The following MCOLN3 variants were observed in gnomAD, a reference collection of about 807,000 sequenced individuals.
MCOLN3 encodes mucolipin-3.
MCOLN3 carries 62 observed loss-of-function variants against 69.4 expected under a neutral mutation model. That is an observed-to-expected ratio of 0.89 (90% CI 0.73 to 1.10). The LOEUF (loss-of-function observed/expected upper bound fraction) is 1.10, where lower values mean the gene tolerates loss of function less well. MCOLN3 is among the 50% of genes least tolerant of loss of function. The probability of loss-of-function intolerance (pLI) is 0.00; values close to 1 mark genes in which losing one functional copy is unlikely to be tolerated. For synonymous variants in MCOLN3, 183 were observed against 217.0 expected (o/e 0.84, Z 1.38); for missense variants, 564 against 656.4 (o/e 0.86, Z 1.54).
Position 85,022,358 on chromosome 1 carries a change from A to G in MCOLN3, c.1138T>C (p.Ser380Pro), listed in dbSNP as rs1222803067. The part of the protein sequence containing the change: ...YDVCSILLGT[S>P]TMLVWLGVIR... ...ACTCCAAGCCACACGAGCATGGTAGAAGTCCCAAGAAGTATGCTACAGACA... is the reference window on the plus strand; with the variant it reads ...ACTCCAAGCCACACGAGCATGGTAGGAGTCCCAAGAAGTATGCTACAGACA... Residue 380 changes from serine to proline, a missense_variant, in exon 10 of 13, where the codon TCT becomes CCT. Ser to Pro is a moderately conservative substitution (Grantham distance 74, BLOSUM62 -1). Coordinates refer to ENST00000370589, the MANE Select transcript of MCOLN3 (RefSeq NM_018298.11). 1 of 1,613,476 alleles carries G rather than the reference A, an allele frequency of 6.2e-7. No individual in the cohort carries two copies. The highest frequency in any genetic ancestry group is 1.7e-5 in the Admixed American group (1 of 59,984).
intron 3 of MCOLN3, among the ~76,000 whole-genome samples, chr1:85,037,965 T>C (rs1239621886): frequency 6.6e-6 from 1 of 152,160 alleles, no homozygotes; most frequent in African/African-American, 2.4e-5. Context: ...ACATTAAATG[T>C]CCTTAGCTAA....
chr1:85,035,354 TC>T (rs1244915032), intron 3 of MCOLN3, among the ~76,000 whole-genome samples: 1 of 152,206 alleles, frequency 6.6e-6, no homozygotes, highest in Non-Finnish European at 1.5e-5. Flanking sequence ...GCTGACAGCT[TC>T]CAAATTTGCA....
At chr1:85,044,541 TC>T (rs1653242761) in intron 2 of MCOLN3, among the ~76,000 whole-genome samples, 1 of 152,160 alleles carries the variant, frequency 6.6e-6, no homozygotes, top group African/African-American at 2.4e-5. Context: ...AAAATATGGT[TC>T]CCCCTTTCCC....
intron 3 of MCOLN3, among the ~76,000 whole-genome samples, chr1:85,039,648 C>T (rs954291797): frequency 6.6e-6 from 1 of 152,090 alleles, no homozygotes; most frequent in African/African-American, 2.4e-5. Flanking sequence ...ATTTTGAAGA[C>T]TGAGTCTAGG....
rs878947271 is a variant in MCOLN3, at chr1:85,034,952, C to T, written c.397-701G>A. 9.2e-5 allele frequency among the ~76,000 whole-genome samples: 14 copies of T among 152,122 alleles called. No individual in the cohort carries two copies. The South Asian group carries it at 1.2e-3, about 14-fold the overall frequency. On this transcript the variant is annotated intron_variant, in intron 3 of 12. Transcript: ENST00000370589. ...CTTGAAATGAACAACTTTGTGTGAT[C>T]GACACATAGAAAATAATTCTGCTAA...
In MCOLN3 at chr1:85,018,283, T is replaced by C. The variant is rs1347973576; in HGVS notation, c.*840A>G. The stretch of plus-strand genomic sequence containing the variant: ...TGGATAACGATGTTTTGGTCAATGA[T>C]GTACCGCATATACAATGGTGGTCCC... On this transcript the variant is annotated 3_prime_UTR_variant, in exon 13 of 13. Transcript: ENST00000370589. 1 of 152,208 alleles carries C rather than the reference T, an allele frequency of 6.6e-6. No individual in the cohort carries two copies. Among genetic ancestry groups the C allele is most frequent in the Non-Finnish European group, 1.5e-5 (1 of 68,028 alleles). The allele number at this position is 152,208 out of a possible 1,614,324, so 9.4% of individuals were successfully genotyped here.
intron 3 of MCOLN3, 22 bp from the exon 4 acceptor site, chr1:85,034,273 G>C: frequency 6.2e-7 from 1 of 1,613,526 alleles, no homozygotes; most frequent in Non-Finnish European, 8.5e-7. Context: ...ATGAGAAACA[G>C]AAAATGGGAA....
chr1:85,045,088 T>C, intron 2 of MCOLN3, 45 bp downstream of exon 2: 1 of 1,467,810 alleles, frequency 6.8e-7, no homozygotes, highest in South Asian at 1.2e-5. Context: ...GTTATCTTTG[T>C]AATTAAAAGA....
rs574894214 is a variant in MCOLN3, at chr1:85,019,005, T to C, written c.*118A>G. On this transcript the variant is annotated 3_prime_UTR_variant, in exon 13 of 13. Coordinates refer to ENST00000370589, the MANE Select transcript of MCOLN3 (RefSeq NM_018298.11). ...TAAACAGTTATTGGTGAATTATAGG[T>C]CTCAATTAGCTCAAAATAACAGTCT... 93 of 896,498 alleles carry C rather than the reference T, an allele frequency of 1.0e-4. No individual in the cohort carries two copies. The African/African-American group carries it at 1.5e-3, about 14-fold the overall frequency. The allele number at this position is 896,498 out of a possible 1,614,324, so 55.5% of individuals were successfully genotyped here.
intron 3 of MCOLN3, among the ~76,000 whole-genome samples, chr1:85,034,581 A>AT (rs1652720237): frequency 6.6e-6 from 1 of 152,220 alleles, no homozygotes; most frequent in African/African-American, 2.4e-5. Flanking sequence ...TTCAATGTAA[A>AT]TACATATTTA....
intron 6 of MCOLN3, chr1:85,029,475 G>C (rs934974801): frequency 7.0e-6 from 2 of 287,578 alleles, no homozygotes; most frequent in South Asian, 7.1e-5. Flanking sequence ...TATATAACAA[G>C]AGCACTTCCT....
chr1:85,029,092 T>C lies in MCOLN3; in HGVS notation c.832+14A>G. The C allele has an allele frequency of 6.8e-7, 1 of 1,467,656 alleles. No individual in the cohort carries two copies. The highest frequency in any genetic ancestry group is 9.5e-7 in the Non-Finnish European group (1 of 1,048,544). The allele number at this position is 1,467,656 out of a possible 1,614,324, so 90.9% of individuals were successfully genotyped here. A position where few individuals can be genotyped will look rare whatever the true frequency, so the allele number is the denominator to read the frequency against. On this transcript the variant is annotated intron_variant, in intron 7 of 12. Coordinates refer to ENST00000370589, the MANE Select transcript of MCOLN3 (RefSeq NM_018298.11). ...TAATAACCATTCTGAAAACTAGTAATGCGCATCACTTACTTGATCCAGATA... is the reference window on the plus strand; with the variant it reads ...TAATAACCATTCTGAAAACTAGTAACGCGCATCACTTACTTGATCCAGATA...
Position 85,018,935 on chromosome 1 carries a change from C to A in MCOLN3, c.*188G>T. On this transcript the variant is annotated 3_prime_UTR_variant, in exon 13 of 13. Transcript: ENST00000370589. ...TCATTAAAGTTTTTTTAAAAACAATCCCAGCATAAAGTTGCAAAGACATTA... is the reference window on the plus strand; with the variant it reads ...TCATTAAAGTTTTTTTAAAAACAATACCAGCATAAAGTTGCAAAGACATTA... 1 of 521,344 alleles carries A rather than the reference C, an allele frequency of 1.9e-6. No homozygotes were observed. Among genetic ancestry groups the A allele is most frequent in the Non-Finnish European group, 3.2e-6 (1 of 308,628 alleles). The allele number at this position is 521,344 out of a possible 1,614,324, so 32.3% of individuals were successfully genotyped here.
intron 6 of MCOLN3, among the ~76,000 whole-genome samples, chr1:85,031,055 G>A (rs1247259491): frequency 6.6e-6 from 1 of 151,896 alleles, no homozygotes; most frequent in African/African-American, 2.4e-5. Flanking sequence ...GGTGGATCAC[G>A]AGGTCAAGAG....
At chr1:85,047,267 G>A (rs1482500957) in intron 1 of MCOLN3, 1 of 152,266 alleles carries the variant, frequency 6.6e-6, no homozygotes, top group Admixed American at 6.5e-5. Context: ...ATCACAACGA[G>A]TTGTCCCGGT....
At chr1:85,045,013 A>T (rs1268005886) in intron 2 of MCOLN3, 120 bp downstream of exon 2, 1 of 686,410 alleles carries the variant, frequency 1.5e-6, no homozygotes, top group Non-Finnish European at 2.4e-6. Flanking sequence ...ATGTTTTCTT[A>T]TCTGTTACTC....
chr1:85,034,244 T>C lies in MCOLN3; in HGVS notation c.404A>G (p.Gln135Arg), dbSNP rs769096919. The C allele has an allele frequency of 2.5e-6, 4 of 1,614,124 alleles. No individual in the cohort carries two copies. The highest frequency in any genetic ancestry group is 1.7e-5 in the Admixed American group (1 of 60,024). ...QLIFAVNQYL[Q>R]LYNVSVGNHA... is the part of the protein sequence containing the mutation. ...ATTCCCAACGGAGACATTGTATAGC[T>C]GCAAGTACTTCAACCAAAATGAGAA... Residue 135 changes from glutamine (Q) to arginine (R), a missense_variant, in exon 4 of 13, where the codon CAG (glutamine) becomes CGG (arginine). Physicochemically the swap from Gln to Arg is conservative, Grantham distance 43 (BLOSUM62 1). Coordinates refer to ENST00000370589, the MANE Select transcript of MCOLN3 (RefSeq NM_018298.11).
At chr1:85,021,794 C>T (rs916782218) in intron 11 of MCOLN3, among the ~76,000 whole-genome samples, 3 of 152,124 alleles carry the variant, frequency 2.0e-5, no homozygotes, top group Non-Finnish European at 2.9e-5. Context: ...TTGGATATAT[C>T]GATGAATCAA....
chr1:85,020,813 C>G (rs1378335794), intron 12 of MCOLN3, among the ~76,000 whole-genome samples: 1 of 152,204 alleles, frequency 6.6e-6, no homozygotes, highest in African/African-American at 2.4e-5. Flanking sequence ...GCCCCCCAGA[C>G]TTCTAATGAC....
Sources: allele counts gnomAD v4.1 joint callset (sites outside exome capture counted in the v4.1 genomes callset), GRCh38; gene constraint gnomAD v4.1.1; transcripts MANE v1.5; gene names NCBI Gene and HGNC (gene_info 2026-07-23, HGNC 2026-07-21).